The following NRXN3 variants were observed in gnomAD, a reference collection of about 807,000 sequenced individuals.
The protein encoded by NRXN3 is neurexin III.
In NRXN3, 32 loss-of-function variants were observed where a neutral mutation model predicts 137.6. The observed-to-expected ratio is 0.23, with a 90% CI of 0.18 to 0.31. NRXN3 has a LOEUF of 0.31. Ranked by LOEUF, NRXN3 falls within the 10% of genes least tolerant of loss-of-function variation. The pLI, the probability that NRXN3 is intolerant of heterozygous loss-of-function variation, is 1.00. For missense variants in NRXN3, 1,574 were observed against 2,062.5 expected (o/e 0.76, Z 4.59); for synonymous variants, 798 against 784.5 (o/e 1.02, Z -0.29).
intron 4 of NRXN3, among the ~76,000 whole-genome samples, chr14:78,535,139 G>GA (rs36069023): frequency 0.24 from 31,368 of 131,994 alleles, 3,521 homozygotes; most frequent in Middle Eastern, 0.33. Flanking sequence ...TCTTTTAATT[G>GA]AAAAAAAAAA....
chr14:78,826,694 C>T (rs1438361575), intron 10 of NRXN3, among the ~76,000 whole-genome samples: 1 of 152,110 alleles, frequency 6.6e-6, no homozygotes, highest in African/African-American at 2.4e-5. Context: ...GTTTGTCTAC[C>T]ATATAATCAC....
At chr14:78,403,865 C>T (rs901612775) in intron 4 of NRXN3, 117 of 985,276 alleles carry the variant, frequency 1.2e-4, no homozygotes, top group Non-Finnish European at 6.7e-5. Context: ...GTGAAATTAA[C>T]TCGAGCTTGG....
At chr14:78,794,636 A>G (rs55762332) in intron 8 of NRXN3, among the ~76,000 whole-genome samples, 10,702 of 142,264 alleles carry the variant, frequency 0.075, 707 homozygotes, top group East Asian at 0.27. Context: ...GTGTGTGTGT[A>G]TATAATATAT....
chr14:79,765,237 G>T (rs2099052046), intron 19 of NRXN3, among the ~76,000 whole-genome samples: 1 of 152,198 alleles, frequency 6.6e-6, no homozygotes, highest in Non-Finnish European at 1.5e-5. Context: ...ATCAGATAGT[G>T]TTGCTGATTT....
At chr14:78,676,519 G>T (rs546446639) in intron 6 of NRXN3, among the ~76,000 whole-genome samples, 22 of 152,048 alleles carry the variant, frequency 1.4e-4, no homozygotes, top group Non-Finnish European at 2.8e-4. Flanking sequence ...CAGAAGAAAG[G>T]TTTGAAATTA....
chr14:78,331,952 A>G (rs1278789641), intron 4 of NRXN3, among the ~76,000 whole-genome samples: 1 of 152,214 alleles, frequency 6.6e-6, no homozygotes, highest in Non-Finnish European at 1.5e-5. Flanking sequence ...AAACCATGAA[A>G]CAGCTGGGTG....
intron 19 of NRXN3, among the ~76,000 whole-genome samples, chr14:79,758,481 A>G (rs1040922830): frequency 6.6e-6 from 1 of 152,162 alleles, no homozygotes; most frequent in Non-Finnish European, 1.5e-5. Flanking sequence ...GAACTCACTC[A>G]TTACCTCGAG....
chr14:79,629,341 C>T (rs1178533669), intron 16 of NRXN3, among the ~76,000 whole-genome samples: 1 of 152,174 alleles, frequency 6.6e-6, no homozygotes, highest in African/African-American at 2.4e-5. Context: ...GTTGTTATAG[C>T]ATTTACAATG....
intron 15 of NRXN3, among the ~76,000 whole-genome samples, chr14:79,216,857 C>T (rs781459067): frequency 2.6e-5 from 4 of 152,134 alleles, no homozygotes; most frequent in Non-Finnish European, 5.9e-5. Context: ...GAGGTTTAGG[C>T]CAGGCACAGT....
intron 15 of NRXN3, among the ~76,000 whole-genome samples, chr14:79,133,806 G>A (rs547758769): frequency 6.6e-6 from 1 of 151,970 alleles, no homozygotes; most frequent in South Asian, 2.1e-4. Context: ...GTGGGCGCCT[G>A]TAGTCCCAGC....
At chr14:79,376,305 T>A (rs1369324064) in intron 15 of NRXN3, among the ~76,000 whole-genome samples, 2 of 146,022 alleles carry the variant, frequency 1.4e-5, no homozygotes, top group Non-Finnish European at 3.0e-5. Context: ...CTCTACAAAT[T>A]GTGTGTCACT....
chr14:78,197,787 C>T (rs917632813), intron 1 of NRXN3, among the ~76,000 whole-genome samples: 1 of 152,202 alleles, frequency 6.6e-6, no homozygotes, highest in Non-Finnish European at 1.5e-5. Flanking sequence ...TCCTTCTCCT[C>T]TCCTGCTCAG....
At chr14:78,731,190 G>A (rs1239349970) in intron 8 of NRXN3, among the ~76,000 whole-genome samples, 1 of 151,974 alleles carries the variant, frequency 6.6e-6, no homozygotes, top group Non-Finnish European at 1.5e-5. Context: ...GACTTTGGTA[G>A]GACTGTTATT....
intron 4 of NRXN3, among the ~76,000 whole-genome samples, chr14:78,478,149 G>A (rs2095411631): frequency 6.6e-6 from 1 of 152,152 alleles, no homozygotes; most frequent in African/African-American, 2.4e-5. Flanking sequence ...AAACGTTTCT[G>A]CTCTGTTGGG....
At chr14:78,598,099 TCA>T (rs1413252492) in intron 4 of NRXN3, among the ~76,000 whole-genome samples, 1 of 152,234 alleles carries the variant, frequency 6.6e-6, no homozygotes, top group East Asian at 1.9e-4. Flanking sequence ...TCTGCATTCC[TCA>T]TTTTCATGGA....
chr14:78,681,045 T>G (rs2098069752), intron 6 of NRXN3, among the ~76,000 whole-genome samples: 1 of 152,092 alleles, frequency 6.6e-6, no homozygotes, highest in South Asian at 2.1e-4. Flanking sequence ...GTACCCAGAG[T>G]CCTTCATAGC....
intron 4 of NRXN3, among the ~76,000 whole-genome samples, chr14:78,347,408 T>C (rs2082895313): frequency 6.6e-6 from 1 of 152,206 alleles, no homozygotes; most frequent in Non-Finnish European, 1.5e-5. Flanking sequence ...ATGTGTCCTG[T>C]ATGTTATCCC....
chr14:78,323,675 C>T (rs960192242), intron 4 of NRXN3, among the ~76,000 whole-genome samples: 6 of 151,978 alleles, frequency 3.9e-5, no homozygotes, highest in Non-Finnish European at 8.8e-5. Context: ...GTGGTCAGAT[C>T]CTGTAGGCCC....
rs769804215 is a variant in NRXN3 at position 79,363,788 on chromosome 14, CT to C, written c.3263-103431del. Reference sequence around the variant, plus strand: ...TGTGCTTTTCAATTGCTTTAGGGAGCTTGCAACAATAGAATCCTGTTAAATC... The same window carrying C: ...TGTGCTTTTCAATTGCTTTAGGGAGCTGCAACAATAGAATCCTGTTAAATC... On this transcript the variant is annotated intron_variant, in intron 15 of 20. Coordinates refer to ENST00000335750, the MANE Select transcript of NRXN3 (RefSeq NM_001330195.2). Among the ~76,000 whole-genome samples the C allele has an allele frequency of 1.6e-4, 24 of 152,156 alleles. 1 individual carries two copies. Among genetic ancestry groups the C allele is most frequent in the Admixed American group, 5.9e-4 (9 of 15,272 alleles).
Sources: allele counts gnomAD v4.1 joint callset (sites outside exome capture counted in the v4.1 genomes callset), GRCh38; gene constraint gnomAD v4.1.1; transcripts MANE v1.5; gene names NCBI Gene and HGNC (gene_info 2026-07-23, HGNC 2026-07-21).